Variants in MPO observed in about 807,000 individuals in gnomAD.
MPO encodes myeloperoxidase.
Under a neutral mutation model 69.4 loss-of-function variants are expected in MPO, and 57 were observed. That is an observed-to-expected ratio of 0.82 (90% CI 0.66 to 1.02). The LOEUF is 1.02. Ranked by LOEUF, MPO falls within the 50% of genes least tolerant of loss-of-function variation. The pLI is 0.00. For synonymous variants in MPO, 426 were observed against 417.1 expected, an observed-to-expected ratio of 1.02 and a Z score of -0.26; for missense variants, 971 against 1,014.1, an observed-to-expected ratio of 0.96 and a Z score of 0.58.
chr17:58,280,700 G>T lies in MPO; in HGVS notation c.59C>A (p.Ala20Asp), dbSNP rs757136407. ...RCMVDLGPCW[A>D]GGLTAEMKLL... is the part of the protein sequence containing the mutation. Reference sequence around the variant, plus strand: ...CTTCATCTCTGCAGTGAGACCCCCAGCCCAGCAAGGTCCTAAGTCCACCAT... The same window carrying T: ...CTTCATCTCTGCAGTGAGACCCCCATCCCAGCAAGGTCCTAAGTCCACCAT... Residue 20 changes from alanine (A) to aspartate (D), a missense_variant, in exon 1 of 12, where the codon GCT (alanine) becomes GAT (aspartate). Transcript: ENST00000225275. 2.8e-5 allele frequency: 46 copies of T among 1,614,098 alleles called. No individual in the cohort carries two copies. In the South Asian group the frequency reaches 4.8e-4, roughly 17 times the overall value.
chr17:58,279,469 G>T, intron 4 of MPO, 43 bp from the exon 5 acceptor site: 1 of 1,612,174 alleles, frequency 6.2e-7, no homozygotes, highest in Middle Eastern at 1.7e-4. Flanking sequence ...GGCTTGTGGC[G>T]TCCGGGACGC....
In MPO at chr17:58,275,560, G is replaced by A. The variant is rs746831572; in HGVS notation, c.1347C>T (p.Ile449=). 1.2e-5 allele frequency: 19 copies of A among 1,614,122 alleles called. No homozygotes were observed. Among genetic ancestry groups the A allele is most frequent in the South Asian group, 5.5e-5 (5 of 91,082 alleles). Residue 449 remains isoleucine (I), a synonymous_variant, in exon 8 of 12, where the codon ATC becomes ATT. Coordinates refer to ENST00000225275, the MANE Select transcript of MPO (RefSeq NM_000250.2). This position sits in a 1 kb window ranked among gnomAD's most constrained non-coding sequence, Gnocchi z 4.1. ...GGCCTACCTGGACCATGGCCCCCAC[G>A]ATCTTCCGGGCTTCCTGGTAGAGCC... ...GERLYQEARK[I]VGAMVQIITY...
Position 58,272,899 on chromosome 17 carries a change from G to A in MPO, c.1641C>T (p.Leu547=), listed in dbSNP as rs2143968322. ...VVLEGGIDPI[L]RGLMATPAKL... ...TGGCAGGGGTGGCCATGAGGCCCCGGAGGATGGGGTCAATGCCACCTGGGG... is the reference window on the plus strand; with the variant it reads ...TGGCAGGGGTGGCCATGAGGCCCCGAAGGATGGGGTCAATGCCACCTGGGG... The change falls in exon 10 of 12, where the codon CTC becomes CTT. Residue 547 remains leucine (L), a synonymous_variant. Transcript: ENST00000225275. 1 of 1,614,140 alleles carries A rather than the reference G, an allele frequency of 6.2e-7. No homozygotes were observed. The highest frequency in any genetic ancestry group is 8.5e-7 in the Non-Finnish European group (1 of 1,180,036).
intron 9 of MPO, 53 bp downstream of exon 9, chr17:58,273,361 C>T: frequency 6.2e-7 from 1 of 1,613,206 alleles, no homozygotes; most frequent in Non-Finnish European, 8.5e-7. Flanking sequence ...AAGGTGATCC[C>T]TACCCCACCT....
Position 58,270,947 on chromosome 17 carries a change from T to C in MPO, c.2031-84A>G. The C allele has an allele frequency of 6.7e-7, 1 of 1,502,872 alleles. No individual in the cohort carries two copies. The highest frequency in any genetic ancestry group is 9.2e-7 in the Non-Finnish European group (1 of 1,086,018). 93.1% of individuals were successfully genotyped at this position (1,502,872 alleles called of 1,614,324 possible). A position where few individuals can be genotyped will look rare whatever the true frequency, so the allele number is the denominator to read the frequency against. ...CGATGGGCTTGTGCTGCTCCCAGGA[T>C]ATAACAAAGCCACAACAAATGCCAC... On this transcript the variant is annotated intron_variant, in intron 11 of 11. Coordinates refer to ENST00000225275, the MANE Select transcript of MPO (RefSeq NM_000250.2). This position sits in a 1 kb window ranked among gnomAD's most constrained non-coding sequence, Gnocchi z 4.1.
At chr17:58,280,117 CG>C in intron 2 of MPO, 103 bp from the exon 3 acceptor site, 1 of 1,476,118 alleles carries the variant, frequency 6.8e-7, no homozygotes. Flanking sequence ...GGCAGGCCCA[CG>C]GGTGGGAGGA....
rs1970397440 is a variant in MPO, at chr17:58,273,640, C to A, written c.1395G>T (p.Leu465=). 3.1e-6 allele frequency: 5 copies of A among 1,614,224 alleles called. No homozygotes were observed. In the East Asian group the frequency reaches 1.1e-4, roughly 36 times the overall value. The change falls in exon 9 of 12, where the codon CTG becomes CTT. Residue 465 remains leucine, a synonymous_variant. Coordinates refer to ENST00000225275, the MANE Select transcript of MPO (RefSeq NM_000250.2). The stretch of plus-strand genomic sequence containing the variant: ...TCCTCATGGCCGTTGGCCCCAGCAC[C>A]AGGGGCAGGTAGTCCCGGTAAGTGA... ...QIITYRDYLP[L]VLGPTAMRKY... is the part of the protein sequence containing the mutation.
chr17:58,279,234 G>C lies in MPO; in HGVS notation c.679-20C>G, dbSNP rs1274409398. The C allele has an allele frequency of 1.8e-5, 28 of 1,585,120 alleles. No individual in the cohort carries two copies. Among genetic ancestry groups the C allele is most frequent in the Non-Finnish European group, 2.4e-5 (28 of 1,165,476 alleles). On this transcript the variant is annotated intron_variant, in intron 5 of 11. Transcript: ENST00000225275. Reference sequence around the variant, plus strand: ...GCGAGCCTGCGGGACACGGAGATCAGCTGGCGCCTGGGTCCGCGCACCGCG... The same window carrying C: ...GCGAGCCTGCGGGACACGGAGATCACCTGGCGCCTGGGTCCGCGCACCGCG...
chr17:58,279,730 C>T (rs1970489044), intron 3 of MPO, 84 bp from the exon 4 acceptor site: 1 of 1,613,128 alleles, frequency 6.2e-7, no homozygotes, highest in Non-Finnish European at 8.5e-7. Flanking sequence ...CCTGGAGACT[C>T]CTGAGACTCC....
chr17:58,275,522 C>T lies in MPO; in HGVS notation c.1365+20G>A, dbSNP rs11575868. The T allele has an allele frequency of 0.072, 116,279 of 1,613,828 alleles. 4,859 individuals are homozygous for T. Among genetic ancestry groups the T allele is most frequent in the East Asian group, 0.13 (5,645 of 44,860 alleles). On this transcript the variant is annotated intron_variant, in intron 8 of 11. Transcript: ENST00000225275. This position sits in a 1 kb window ranked among gnomAD's most constrained non-coding sequence, Gnocchi z 4.1. ...GGGACACATCTGGATCCCGTGTGCCCGGTGTTCAAGACGGCCTACCTGGAC... is the reference window on the plus strand; with the variant it reads ...GGGACACATCTGGATCCCGTGTGCCTGGTGTTCAAGACGGCCTACCTGGAC...
rs749598676 is a variant in MPO, at chr17:58,280,799, G to A, written c.-41C>T. 2.5e-6 allele frequency: 4 copies of A among 1,612,060 alleles called. No homozygotes were observed. In the Admixed American group the frequency reaches 5.0e-5, roughly 20 times the overall value. On this transcript the variant is annotated 5_prime_UTR_variant, in exon 1 of 12. Coordinates refer to ENST00000225275, the MANE Select transcript of MPO (RefSeq NM_000250.2). The stretch of plus-strand genomic sequence containing the variant: ...CTGCTCAATCCCCCTTTGTACCTCA[G>A]CCCCACCTCAGAGGGCCCTGTCTAT...
rs1233300419 is a variant in MPO, at chr17:58,275,025, C to T, written c.1365+517G>A. ...GACTACAGGTGCCCGCCACCACGCCCGGCTAATTTTTGTATTTTTAGTAGA... is the reference window on the plus strand; with the variant it reads ...GACTACAGGTGCCCGCCACCACGCCTGGCTAATTTTTGTATTTTTAGTAGA... On this transcript the variant is annotated intron_variant, in intron 8 of 11. Coordinates refer to ENST00000225275, the MANE Select transcript of MPO (RefSeq NM_000250.2). This position sits in a 1 kb window ranked among gnomAD's most constrained non-coding sequence, Gnocchi z 4.1. Among the ~76,000 whole-genome samples, 9 of 151,702 alleles carry T rather than the reference C, an allele frequency of 5.9e-5. No homozygotes were observed. Among genetic ancestry groups the T allele is most frequent in the Non-Finnish European group, 1.2e-4 (8 of 67,894 alleles).
chr17:58,271,829 G>A lies in MPO; in HGVS notation c.1856C>T (p.Thr619Met), dbSNP rs760435099. 1.3e-5 allele frequency: 21 copies of A among 1,614,054 alleles called. No individual in the cohort carries two copies. The Admixed American group carries it at 2.3e-4, about 18-fold the overall frequency. Residue 619 changes from threonine to methionine, a missense_variant, in exon 11 of 12, where the codon ACG becomes ATG. Physicochemically the swap from Thr to Met is moderately conservative, Grantham distance 81. Transcript: ENST00000225275. ...CGCCAATTTCAGGTTCCTCAGCACC[G>A]TGCCCAGCTGGCCCACAGTTTCAGG... is the stretch of plus-strand genomic sequence containing the variant. The part of the protein sequence containing the change: ...PQPETVGQLG[T>M]VLRNLKLARK...
intron 2 of MPO, 64 bp from the exon 3 acceptor site, chr17:58,280,078 G>A: frequency 3.1e-6 from 5 of 1,598,826 alleles, no homozygotes; most frequent in South Asian, 1.1e-5. Flanking sequence ...CAGAGCCCCA[G>A]CCCAGGGGCA....
Position 58,270,500 on chromosome 17 carries a change from T to C in MPO, c.*156A>G, listed in dbSNP as rs1970352214. ...ACGCATGAAAAGCCAATTTATATAC[T>C]TCGCACATACATGAGCACACAAATG... is the stretch of plus-strand genomic sequence containing the variant. On this transcript the variant is annotated 3_prime_UTR_variant, in exon 12 of 12. Coordinates refer to ENST00000225275, the MANE Select transcript of MPO (RefSeq NM_000250.2). The surrounding 1 kb of genome is among the most constrained non-coding windows in gnomAD (Gnocchi z 4.1). 2.8e-6 allele frequency: 2 copies of C among 720,508 alleles called. No homozygotes were observed. The highest frequency in any genetic ancestry group is 1.5e-5 in the South Asian group (1 of 65,766). 44.6% of individuals were successfully genotyped at this position (720,508 alleles called of 1,614,324 possible). A position where few individuals can be genotyped will look rare whatever the true frequency, so the allele number is the denominator to read the frequency against.
Position 58,279,118 on chromosome 17 carries a change from A to G in MPO, c.775T>C (p.Leu259=), listed in dbSNP as rs1355159300. 1.2e-6 allele frequency: 2 copies of G among 1,612,890 alleles called. No individual in the cohort carries two copies. The highest frequency in any genetic ancestry group is 2.2e-5 in the South Asian group (2 of 90,806). ...GGGGTGAAGTCGAGGTCGTGGTCCA[A>G]CAGCTGGCCCCATTGCATGAACATG... ...SLMFMQWGQL[L]DHDLDFTPEP... Residue 259 remains leucine (L), a synonymous_variant, in exon 6 of 12, where the codon TTG becomes CTG. Coordinates refer to ENST00000225275, the MANE Select transcript of MPO (RefSeq NM_000250.2).
chr17:58,278,864 C>T, intron 6 of MPO, 144 bp downstream of exon 6: 1 of 1,001,468 alleles, frequency 1.0e-6, no homozygotes. Flanking sequence ...CATAGCTGAG[C>T]AGCCAGTGCT....
intron 10 of MPO, 25 bp downstream of exon 10, chr17:58,272,723 A>G (rs1417165034): frequency 6.2e-7 from 1 of 1,610,130 alleles, no homozygotes; most frequent in Non-Finnish European, 8.5e-7. Flanking sequence ...GGTGAGCATC[A>G]GGGGAGACTC....
At position 58,270,720 on chromosome 17, in the gene MPO, C is replaced by T. The variant is rs770356554; in HGVS notation, c.2174G>A (p.Arg725Gln). The T allele has an allele frequency of 4.3e-5, 70 of 1,613,950 alleles. No individual in the cohort carries two copies. The highest frequency in any genetic ancestry group is 5.5e-5 in the Non-Finnish European group (65 of 1,180,006). ...NNIFMSNSYP[R>Q]DFVNCSTLPA... ...AAGTGTACTGCAGTTGACAAAGTCC[C>T]GGGGATATGAGTTGGACATGAAGAT... The change falls in exon 12 of 12, where the codon CGG becomes CAG. Residue 725 changes from arginine (R) to glutamine (Q), a missense_variant. By Grantham distance (43) the Arg-to-Gln change is conservative. Transcript: ENST00000225275. This position sits in a 1 kb window ranked among gnomAD's most constrained non-coding sequence, Gnocchi z 4.1.
Sources: allele counts gnomAD v4.1 joint callset (sites outside exome capture counted in the v4.1 genomes callset), GRCh38; gene constraint gnomAD v4.1.1; non-coding constraint Gnocchi (gnomAD v3.1); transcripts MANE v1.5; gene names NCBI Gene and HGNC (gene_info 2026-07-23, HGNC 2026-07-21).